The following ZDHHC21 variants were observed in gnomAD, a reference collection of about 807,000 sequenced individuals.
ZDHHC21 encodes palmitoyltransferase ZDHHC21.
ZDHHC21 carries 15 observed loss-of-function variants against 34.6 expected under a neutral mutation model. That is an observed-to-expected ratio of 0.43 (90% confidence interval 0.29 to 0.67). ZDHHC21 has a LOEUF of 0.67. Ranked by LOEUF, ZDHHC21 falls within the 30% of genes least tolerant of loss-of-function variation. The pLI is 0.14. For synonymous variants in ZDHHC21, 142 were observed against 101.8 expected, an observed-to-expected ratio of 1.40 and a Z score of -2.38; for missense variants, 344 against 327.7, an observed-to-expected ratio of 1.05 and a Z score of -0.38.
the ZDHHC21 span, among the ~76,000 whole-genome samples, chr9:14,604,609 A>T: frequency 2.6e-5 from 4 of 152,276 alleles, no homozygotes; most frequent in East Asian, 7.7e-4. Context: ...AAAAAGCAAA[A>T]CATTAGCATG....
At chr9:14,687,616 C>T (rs1006337876) in intron 2 of ZDHHC21, among the ~76,000 whole-genome samples, 8 of 150,790 alleles carry the variant, frequency 5.3e-5, no homozygotes, top group African/African-American at 1.5e-4. Context: ...AGGCAGAAGC[C>T]GCAGTGAGCA....
intron 2 of ZDHHC21, among the ~76,000 whole-genome samples, chr9:14,686,959 CGA>C: frequency 7.2e-6 from 1 of 139,578 alleles, no homozygotes; most frequent in Middle Eastern, 3.5e-3. Context: ...GGCGACAGGG[CGA>C]GACTTCATCT....
intron 8 of ZDHHC21, among the ~76,000 whole-genome samples, chr9:14,627,843 G>A (rs970574342): frequency 2.0e-5 from 3 of 151,974 alleles, no homozygotes; most frequent in African/African-American, 7.3e-5. Flanking sequence ...CATTATTGTT[G>A]GCTATGTGTG....
intron 8 of ZDHHC21, among the ~76,000 whole-genome samples, chr9:14,639,056 TGCACGTTTATCACA>T (rs1299342363): frequency 6.6e-6 from 1 of 152,064 alleles, no homozygotes; most frequent in African/African-American, 2.4e-5. Context: ...TGCCTGCACT[TGCACGTTTATCACA>T]GCACTATTCA....
intron 8 of ZDHHC21, among the ~76,000 whole-genome samples, chr9:14,631,434 A>G (rs899691741): frequency 1.6e-4 from 25 of 152,150 alleles, no homozygotes; most frequent in African/African-American, 6.0e-4. Flanking sequence ...TTCTATCCAG[A>G]CCACCAAAAA....
intron 8 of ZDHHC21, among the ~76,000 whole-genome samples, chr9:14,625,302 T>G (rs1473405485): frequency 1.3e-5 from 2 of 152,052 alleles, no homozygotes; most frequent in African/African-American, 4.8e-5. Context: ...GAATGGTTCT[T>G]TAAGCACCCA....
At chr9:14,605,689 G>C in the ZDHHC21 span, among the ~76,000 whole-genome samples, 3 of 152,122 alleles carry the variant, frequency 2.0e-5, no homozygotes, top group Non-Finnish European at 4.4e-5. Flanking sequence ...TTTTAAAGTT[G>C]ATGCAGTCCC....
the ZDHHC21 span, among the ~76,000 whole-genome samples, chr9:14,604,146 A>G: frequency 6.6e-6 from 1 of 152,158 alleles, no homozygotes; most frequent in Non-Finnish European, 1.5e-5. Flanking sequence ...ATGAAACAAT[A>G]TATATGTTGG....
chr9:14,660,142 G>A (rs1053373268), intron 6 of ZDHHC21, among the ~76,000 whole-genome samples: 1 of 152,090 alleles, frequency 6.6e-6, no homozygotes, highest in Non-Finnish European at 1.5e-5. Context: ...GAGGGGAGCA[G>A]ATCACCTGAG....
At chr9:14,622,221 C>T (rs1227844455) in intron 8 of ZDHHC21, among the ~76,000 whole-genome samples, 1 of 152,038 alleles carries the variant, frequency 6.6e-6, no homozygotes, top group African/African-American at 2.4e-5. Context: ...ATTTTAAAAA[C>T]TGGATGTTCT....
At chr9:14,692,545 T>G (rs1405355264) in intron 1 of ZDHHC21, among the ~76,000 whole-genome samples, 1 of 150,098 alleles carries the variant, frequency 6.7e-6, no homozygotes, top group Non-Finnish European at 1.5e-5. Flanking sequence ...ACATCCACCC[T>G]GACTCTCAAG....
chr9:14,644,186 GGTTT>G (rs765050307), intron 7 of ZDHHC21, among the ~76,000 whole-genome samples: 9 of 152,038 alleles, frequency 5.9e-5, no homozygotes, highest in Non-Finnish European at 8.8e-5. Flanking sequence ...ATTGTCTAAA[GGTTT>G]GTTTGTGAGC....
intron 8 of ZDHHC21, among the ~76,000 whole-genome samples, chr9:14,626,914 T>C (rs1386622862): frequency 6.6e-6 from 1 of 152,056 alleles, no homozygotes; most frequent in Non-Finnish European, 1.5e-5. Flanking sequence ...AATACATTTA[T>C]TTTATTTTTA....
chr9:14,663,636 T>G (rs1028968551), intron 5 of ZDHHC21, among the ~76,000 whole-genome samples: 2 of 152,022 alleles, frequency 1.3e-5, no homozygotes, highest in Non-Finnish European at 2.9e-5. Flanking sequence ...TTTTATATAG[T>G]AAAGCGTTGG....
intron 7 of ZDHHC21, among the ~76,000 whole-genome samples, chr9:14,652,174 C>A (rs1432175384): frequency 1.3e-5 from 2 of 151,834 alleles, no homozygotes; most frequent in Non-Finnish European, 2.9e-5. Flanking sequence ...AACTATTACT[C>A]AAGTTTCTGC....
At chr9:14,654,804 C>A (rs997920706) in intron 7 of ZDHHC21, among the ~76,000 whole-genome samples, 1 of 151,716 alleles carries the variant, frequency 6.6e-6, no homozygotes, top group Non-Finnish European at 1.5e-5. Flanking sequence ...TAGGAAATAT[C>A]CAGAATGAAG....
chr9:14,656,583 T>G (rs898739577), intron 7 of ZDHHC21, among the ~76,000 whole-genome samples: 7 of 151,926 alleles, frequency 4.6e-5, no homozygotes. Flanking sequence ...TCATTACTGC[T>G]AATATGGTGG....
chr9:14,650,386 A>T (rs909713329), intron 7 of ZDHHC21, among the ~76,000 whole-genome samples: 5 of 152,002 alleles, frequency 3.3e-5, no homozygotes, highest in African/African-American at 1.2e-4. Flanking sequence ...TTTTAATTCC[A>T]CAATACTCTT....
chr9:14,666,246 CAAAG>C (rs1359079956), intron 5 of ZDHHC21, among the ~76,000 whole-genome samples: 1 of 105,984 alleles, frequency 9.4e-6, no homozygotes, highest in African/African-American at 3.4e-5. Flanking sequence ...TCAAAAGAGA[CAAAG>C]AAGGCCATTA....
Sources: allele counts gnomAD v4.1 joint callset (sites outside exome capture counted in the v4.1 genomes callset), GRCh38; gene constraint gnomAD v4.1.1; transcripts MANE v1.5; gene names NCBI Gene and HGNC (gene_info 2026-07-23, HGNC 2026-07-21).